The following QRFPR variants were observed in gnomAD, a reference collection of about 807,000 sequenced individuals.
QRFPR encodes the protein pyroglutamylated RF-amide peptide receptor.
In QRFPR, 37 loss-of-function variants were observed where a neutral mutation model predicts 31.3. The observed-to-expected ratio is 1.18, with a 90% confidence interval of 0.91 to 1.56. The LOEUF (loss-of-function observed/expected upper bound fraction) is 1.56. QRFPR is among the 40% of genes most tolerant of loss of function. The probability of loss-of-function intolerance (pLI) is 0.00; values close to 1 mark genes in which losing one functional copy is unlikely to be tolerated. For missense variants in QRFPR, 542 were observed against 532.5 expected (o/e 1.02, Z -0.18); for synonymous variants, 197 against 192.0 (o/e 1.03, Z -0.22).
rs923638159 is a variant in QRFPR at position 121,380,942 on chromosome 4, G to A, written c.-295C>T. The A allele has an allele frequency of 3.3e-5, 12 of 360,598 alleles. No individual in the cohort carries two copies. The highest frequency in any genetic ancestry group is 6.0e-5 in the Non-Finnish European group (12 of 200,552). The allele number at this position is 360,598 out of a possible 1,614,324, so 22.3% of individuals were successfully genotyped here. The stretch of plus-strand genomic sequence containing the variant: ...TTCTTCCCTTGCTCTTCCCTAAGGC[G>A]AGGCGCCGCCACGGTCTGGGGTGCT... On this transcript the variant is annotated 5_prime_UTR_variant, in exon 1 of 6. Transcript: ENST00000394427.
At chr4:121,370,074 C>T in intron 1 of QRFPR, 1 of 772,180 alleles carries the variant, frequency 1.3e-6, no homozygotes, top group South Asian at 1.3e-5. Flanking sequence ...GGAGCTTGTC[C>T]ACACTGTCAA....
chr4:121,374,694 G>T (rs6827473), intron 1 of QRFPR, among the ~76,000 whole-genome samples: 3,981 of 152,242 alleles, frequency 0.026, 89 homozygotes, highest in Non-Finnish European at 0.039. Context: ...ACTACATGTT[G>T]CCAAGATTGA....
intron 1 of QRFPR, among the ~76,000 whole-genome samples, chr4:121,372,514 ACTAT>A (rs1237857045): frequency 6.6e-6 from 1 of 152,216 alleles, no homozygotes; most frequent in Non-Finnish European, 1.5e-5. Context: ...AATGAACACC[ACTAT>A]CTGTTTCAAA....
chr4:121,351,460 C>T (rs546962647), intron 1 of QRFPR, among the ~76,000 whole-genome samples: 5 of 152,236 alleles, frequency 3.3e-5, no homozygotes, highest in Admixed American at 3.3e-4. Context: ...GCTACAAATA[C>T]AGCTTTAGAA....
chr4:121,371,973 T>C (rs1726255670), intron 1 of QRFPR, among the ~76,000 whole-genome samples: 1 of 152,214 alleles, frequency 6.6e-6, no homozygotes, highest in South Asian at 2.1e-4. Context: ...AAGAGCAAGA[T>C]GACTGACAGT....
chr4:121,369,795 T>C, intron 1 of QRFPR: 2 of 1,531,822 alleles, frequency 1.3e-6, no homozygotes, highest in Non-Finnish European at 1.8e-6. Flanking sequence ...GGTCTCTGCT[T>C]AGGTGAAAAG....
Position 121,380,295 on chromosome 4 carries a change from G to A in QRFPR, c.340+13C>T, listed in dbSNP as rs766488531. 2.5e-6 allele frequency: 4 copies of A among 1,596,164 alleles called. No individual in the cohort carries two copies. The highest frequency in any genetic ancestry group is 3.4e-5 in the Admixed American group (2 of 59,274). ...AAGAGAGAAGGAGCGAAGGAGCGGG[G>A]CGCGACTCTTACCCCCCAGCCAGTT... On this transcript the variant is annotated intron_variant, in intron 1 of 5. Coordinates refer to ENST00000394427, the MANE Select transcript of QRFPR (RefSeq NM_198179.3).
At chr4:121,373,995 AC>A (rs1370076134) in intron 1 of QRFPR, among the ~76,000 whole-genome samples, 14 of 152,142 alleles carry the variant, frequency 9.2e-5, no homozygotes, top group Non-Finnish European at 1.5e-5. Context: ...CCATTCTGTT[AC>A]CCGCCCACAT....
At chr4:121,380,233 G>GAGAA (rs1726457180) in intron 1 of QRFPR, 75 bp downstream of exon 1, 1 of 1,013,964 alleles carries the variant, frequency 9.9e-7, no homozygotes, top group East Asian at 2.4e-5. Flanking sequence ...GAGAGAGAGA[G>GAGAA]AGAGAGAGAG....
At chr4:121,368,280 C>G (rs1726164770) in intron 1 of QRFPR, among the ~76,000 whole-genome samples, 1 of 150,102 alleles carries the variant, frequency 6.7e-6, no homozygotes, top group Non-Finnish European at 1.5e-5. Flanking sequence ...ACCACTGGCT[C>G]CACATAAACC....
chr4:121,348,839 T>C (rs920836579), intron 1 of QRFPR, among the ~76,000 whole-genome samples: 2 of 152,172 alleles, frequency 1.3e-5, no homozygotes, highest in South Asian at 2.1e-4. Flanking sequence ...GGCTCATGCC[T>C]ATAATCCCAG....
At chr4:121,378,581 T>C (rs1726404345) in intron 1 of QRFPR, among the ~76,000 whole-genome samples, 1 of 151,924 alleles carries the variant, frequency 6.6e-6, no homozygotes, top group Non-Finnish European at 1.5e-5. Context: ...GCCCGGCTAA[T>C]TTTTTGTTGT....
chr4:121,341,887 A>T (rs1277559632), intron 1 of QRFPR, among the ~76,000 whole-genome samples: 4 of 152,192 alleles, frequency 2.6e-5, no homozygotes, highest in Non-Finnish European at 4.4e-5. Context: ...GCTCCTTGGA[A>T]TGCTCTTCCC....
At chr4:121,335,079 A>G (rs1725405509) in intron 3 of QRFPR, among the ~76,000 whole-genome samples, 2 of 152,188 alleles carry the variant, frequency 1.3e-5, no homozygotes, top group African/African-American at 4.8e-5. Context: ...ACAGGAAGCA[A>G]CTTTGACTAG....
At position 121,376,625 on chromosome 4, in the gene QRFPR, C is replaced by A. The variant is rs566532512; in HGVS notation, c.340+3683G>T. On this transcript the variant is annotated intron_variant, in intron 1 of 5. Transcript: ENST00000394427. ...CATGATGTGAATACTCCCACCACAA[C>A]CAGTTTTAAGATAACAACATGATGT... 7.9e-5 allele frequency among the ~76,000 whole-genome samples: 12 copies of A among 151,856 alleles called. No individual in the cohort carries two copies. The East Asian group carries it at 1.4e-3, about 17-fold the overall frequency.
chr4:121,369,938 C>A lies in QRFPR; in HGVS notation c.340+10370G>T, dbSNP rs1726200619. ...GTACTTGGTCTTCTGAGTGGTGACA[C>A]CCTTGTGGGTGTGTAGCCAGGATCT... On this transcript the variant is annotated intron_variant, in intron 1 of 5. Transcript: ENST00000394427. 9 of 767,542 alleles carry A rather than the reference C, an allele frequency of 1.2e-5. 1 individual carries two copies. In the South Asian group the frequency reaches 1.3e-4, roughly 11 times the overall value. The allele number at this position is 767,542 out of a possible 1,614,324, so 47.5% of individuals were successfully genotyped here. A position where few individuals can be genotyped will look rare whatever the true frequency, so the allele number is the denominator to read the frequency against.
intron 1 of QRFPR, chr4:121,370,365 T>C: frequency 1.3e-6 from 1 of 745,586 alleles, no homozygotes. Context: ...GAGATCCAGG[T>C]GTTTTTTCTA....
At chr4:121,332,430 T>G (rs10014976) in intron 4 of QRFPR, among the ~76,000 whole-genome samples, 2,268 of 152,344 alleles carry the variant, frequency 0.015, 50 homozygotes, top group South Asian at 0.11. Context: ...TGGATGTTAT[T>G]ATGCTCCTTG....
At chr4:121,376,159 C>T (rs1367412914) in intron 1 of QRFPR, among the ~76,000 whole-genome samples, 1 of 152,100 alleles carries the variant, frequency 6.6e-6, no homozygotes, top group African/African-American at 2.4e-5. Flanking sequence ...GCAACTCCAC[C>T]CTCATATGAG....
Sources: allele counts gnomAD v4.1 joint callset (sites outside exome capture counted in the v4.1 genomes callset), GRCh38; gene constraint gnomAD v4.1.1; transcripts MANE v1.5; gene names NCBI Gene and HGNC (gene_info 2026-07-23, HGNC 2026-07-21).